MEP1B: variants seen among roughly 807,000 people sequenced by gnomAD.
MEP1B encodes the protein N-benzoyl-L-tyrosyl-P-amino-benzoic acid hydrolase subunit beta.
MEP1B carries 80 observed loss-of-function variants against 84.6 expected under a neutral mutation model. That is an observed-to-expected ratio of 0.95 (90% CI 0.79 to 1.14). The LOEUF (loss-of-function observed/expected upper bound fraction) is 1.14, where lower values mean the gene tolerates loss of function less well. Ranked by LOEUF, MEP1B falls within the 50% of genes most tolerant of loss-of-function variation. The pLI is 0.00. For missense variants in MEP1B, 766 were observed against 855.1 expected (o/e 0.90, Z 1.30); for synonymous variants, 273 against 288.1 (o/e 0.95, Z 0.53).
chr18:32,199,663 CGTTCGTT>C (rs1568266024), intron 5 of MEP1B, among the ~76,000 whole-genome samples: 5 of 129,278 alleles, frequency 3.9e-5, no homozygotes, highest in African/African-American at 1.7e-4. Flanking sequence ...TTTTTCCTTT[CGTTCGTT>C]CCTTCCTTCC....
intron 2 of MEP1B, among the ~76,000 whole-genome samples, 182 bp from the exon 3 acceptor site, chr18:32,192,464 C>T (rs541214335): frequency 6.6e-6 from 1 of 152,030 alleles, no homozygotes; most frequent in South Asian, 2.1e-4. Context: ...TCTTTAGAGC[C>T]CAACCTGGCT....
intron 8 of MEP1B, 115 bp downstream of exon 8, chr18:32,207,585 A>G (rs748184865): frequency 2.8e-6 from 2 of 703,698 alleles, no homozygotes; most frequent in Non-Finnish European, 2.4e-6. Context: ...TAGAGATTTG[A>G]TATTCAGGAA....
intron 1 of MEP1B, among the ~76,000 whole-genome samples, chr18:32,190,721 C>T (rs2040794060): frequency 6.6e-6 from 1 of 152,032 alleles, no homozygotes; most frequent in African/African-American, 2.4e-5. Flanking sequence ...TAGAACATTG[C>T]AAACAAGAGA....
intron 1 of MEP1B, 59 bp downstream of exon 1, chr18:32,190,192 T>C (rs2040788393): frequency 8.2e-7 from 1 of 1,221,298 alleles, no homozygotes; most frequent in Non-Finnish European, 1.2e-6. Context: ...ATATTGATTG[T>C]TAAAGAACAA....
chr18:32,220,259 A>T lies in MEP1B; in HGVS notation c.*14A>T. ...CATGCTTTTTGAAGATTAACTCGAC[A>T]ATATGGCCAGCTAATGAAATTAAAA... On this transcript the variant is annotated 3_prime_UTR_variant, in exon 15 of 15. Transcript: ENST00000269202. The T allele has an allele frequency of 6.2e-7, 1 of 1,607,986 alleles. No homozygotes were observed. Among genetic ancestry groups the T allele is most frequent in the Admixed American group, 1.7e-5 (1 of 59,446 alleles).
At chr18:32,204,827 T>C (rs1217643507) in intron 7 of MEP1B, among the ~76,000 whole-genome samples, 1 of 151,940 alleles carries the variant, frequency 6.6e-6, no homozygotes, top group Non-Finnish European at 1.5e-5. Flanking sequence ...AGGGCAGAGG[T>C]CAAGGGAGAG....
chr18:32,200,769 C>T (rs1281716375), intron 5 of MEP1B, among the ~76,000 whole-genome samples: 1 of 152,170 alleles, frequency 6.6e-6, no homozygotes, highest in Non-Finnish European at 1.5e-5. Context: ...TTTCCAGGGC[C>T]TAAGTTATAA....
chr18:32,205,539 TC>T (rs1412053173), intron 7 of MEP1B, among the ~76,000 whole-genome samples: 12 of 152,220 alleles, frequency 7.9e-5, no homozygotes, highest in Admixed American at 6.5e-4. Context: ...CTAAAAGATT[TC>T]TAGAGAAACA....
At chr18:32,205,276 TCAAAGTCA>T (rs2040953354) in intron 7 of MEP1B, among the ~76,000 whole-genome samples, 1 of 152,210 alleles carries the variant, frequency 6.6e-6, no homozygotes, top group South Asian at 2.1e-4. Flanking sequence ...GATTTTGTGT[TCAAAGTCA>T]CAAAGTCTTA....
At chr18:32,212,288 C>A (rs1684535884) in intron 10 of MEP1B, among the ~76,000 whole-genome samples, 2 of 151,978 alleles carry the variant, frequency 1.3e-5, no homozygotes, top group Admixed American at 1.3e-4. Context: ...TTGGGTATGT[C>A]TAGCTTATTT....
chr18:32,198,287 T>C (rs2040876105), intron 5 of MEP1B, among the ~76,000 whole-genome samples: 1 of 152,142 alleles, frequency 6.6e-6, no homozygotes, highest in Non-Finnish European at 1.5e-5. Flanking sequence ...TCCAAGACTT[T>C]TTGACTGAGA....
chr18:32,207,383 A>C lies in MEP1B; in HGVS notation c.679A>C (p.Arg227=), dbSNP rs1295478245. ...TGGAACAGAGCCGACAATTGTCACA[A>C]GAATCTCAGACTTTGAGGATGTGAT... The part of the protein sequence containing the change: ...QNGTEPTIVT[R]ISDFEDVIGQ... The change falls in exon 8 of 15, where the codon AGA becomes CGA. Residue 227 remains arginine (R), a synonymous_variant. Coordinates refer to ENST00000269202, the MANE Select transcript of MEP1B (RefSeq NM_005925.3). The C allele has an allele frequency of 6.2e-7, 1 of 1,613,518 alleles. No homozygotes were observed. Among genetic ancestry groups the C allele is most frequent in the Non-Finnish European group, 8.5e-7 (1 of 1,179,686 alleles).
chr18:32,215,804 A>C (rs571034641), intron 12 of MEP1B, among the ~76,000 whole-genome samples: 1 of 152,264 alleles, frequency 6.6e-6, no homozygotes, highest in South Asian at 2.1e-4. Flanking sequence ...AGCCTGGGCC[A>C]AAGAGCGAGA....
intron 2 of MEP1B, among the ~76,000 whole-genome samples, chr18:32,192,196 C>T (rs572579180): frequency 6.6e-6 from 1 of 152,116 alleles, no homozygotes; most frequent in African/African-American, 2.4e-5. Flanking sequence ...ATTATATACA[C>T]CTTTACAACT....
At position 32,210,214 on chromosome 18, in the gene MEP1B, A is replaced by C. The variant is rs1239746708; in HGVS notation, c.920-287A>C. Among the ~76,000 whole-genome samples the C allele has an allele frequency of 2.0e-5, 3 of 152,230 alleles. No homozygotes were observed. The South Asian group carries it at 6.2e-4, about 31-fold the overall frequency. On this transcript the variant is annotated intron_variant, in intron 9 of 14. Transcript: ENST00000269202. ...TGATACTTAAACTTGCTTTATCTTT[A>C]TAGCTCATAACAAATGAAGATAAGC...
At chr18:32,206,839 T>G (rs2040970517) in intron 7 of MEP1B, among the ~76,000 whole-genome samples, 1 of 152,112 alleles carries the variant, frequency 6.6e-6, no homozygotes, top group Non-Finnish European at 1.5e-5. Context: ...CTCGAACTCC[T>G]GACCTCATGA....
chr18:32,219,389 GTTGTT>G (rs1424078806), intron 14 of MEP1B, among the ~76,000 whole-genome samples: 2 of 152,114 alleles, frequency 1.3e-5, no homozygotes, highest in Non-Finnish European at 2.9e-5. Flanking sequence ...ATATAAACAG[GTTGTT>G]TTGTTTTAAG....
At chr18:32,218,625 G>A (rs1211018288) in intron 14 of MEP1B, among the ~76,000 whole-genome samples, 1 of 152,214 alleles carries the variant, frequency 6.6e-6, no homozygotes, top group African/African-American at 2.4e-5. Flanking sequence ...AATAGGCTGA[G>A]GGAGCTGGCC....
Position 32,215,088 on chromosome 18 carries a change from G to T in MEP1B, c.1586G>T (p.Gly529Val), listed in dbSNP as rs1447423208. The stretch of plus-strand genomic sequence containing the variant: ...ATATAAATTGCTTTTTCAGATAATG[G>T]AAACTATTTCTGGGACAGGCCTTCT... ...TTDPFMTTDN[G>V]NYFWDRPSKV... The change falls in exon 12 of 15, where the codon GGA becomes GTA. Residue 529 changes from glycine to valine, a missense_variant. Transcript: ENST00000269202. The T allele has an allele frequency of 6.3e-7, 1 of 1,589,020 alleles. No homozygotes were observed. The highest frequency in any genetic ancestry group is 1.1e-5 in the South Asian group (1 of 87,434).
Sources: allele counts gnomAD v4.1 joint callset (sites outside exome capture counted in the v4.1 genomes callset), GRCh38; gene constraint gnomAD v4.1.1; transcripts MANE v1.5; gene names NCBI Gene and HGNC (gene_info 2026-07-23, HGNC 2026-07-21).